The following NEO1 variants were observed in gnomAD, a reference collection of about 807,000 sequenced individuals.
NEO1 encodes the protein neogenin.
A neutral mutation model predicts 159.7 loss-of-function variants in NEO1; 63 were observed. That is an observed-to-expected ratio of 0.39 (90% CI 0.32 to 0.49). The LOEUF (loss-of-function observed/expected upper bound fraction) is 0.49, where lower values mean the gene tolerates loss of function less well. NEO1 is among the 20% of genes least tolerant of loss of function. The pLI is 0.85. For missense variants in NEO1, 1,615 were observed against 1,831.0 expected, an observed-to-expected ratio of 0.88 and a Z score of 2.15; for synonymous variants, 633 against 662.0, an observed-to-expected ratio of 0.96 and a Z score of 0.67.
chr15:73,132,676 A>T (rs1224410991), intron 4 of NEO1, among the ~76,000 whole-genome samples: 1 of 152,334 alleles, frequency 6.6e-6, no homozygotes, highest in Non-Finnish European at 1.5e-5. Context: ...AAGGAACTCA[A>T]ACAAATCAGT....
rs747030708 is a variant in NEO1, at chr15:73,253,373, ATT to A, written c.1895-12_1895-11del. 18,493 of 1,085,718 alleles carry A rather than the reference ATT, an allele frequency of 0.017. No individual in the cohort carries two copies. The highest frequency in any genetic ancestry group is 0.026 in the South Asian group (1,403 of 54,782). The allele number at this position is 1,085,718 out of a possible 1,614,324, so 67.3% of individuals were successfully genotyped here. A position where few individuals can be genotyped will look rare whatever the true frequency, so the allele number is the denominator to read the frequency against. ...TGATGTATGGGTGATTAAAAAAAAA[ATT>A]TTTTTTTTTTTTTTGTTTCTCTAGT... On this transcript the variant is annotated intron_variant, in intron 11 of 28. Transcript: ENST00000261908.
chr15:73,083,418 A>C (rs901475864), intron 1 of NEO1, among the ~76,000 whole-genome samples: 5 of 152,060 alleles, frequency 3.3e-5, no homozygotes, highest in Non-Finnish European at 7.3e-5. Context: ...ACATTCAATA[A>C]ATATATAAAT....
intron 7 of NEO1, among the ~76,000 whole-genome samples, chr15:73,204,112 G>GT (rs770210338): frequency 2.5e-4 from 33 of 133,416 alleles, no homozygotes; most frequent in Non-Finnish European, 5.6e-4. Context: ...AGAATGTAAG[G>GT]TTGGTGGGTT....
intron 16 of NEO1, among the ~76,000 whole-genome samples, chr15:73,269,497 A>C (rs1330998965): frequency 6.6e-6 from 1 of 151,972 alleles, no homozygotes; most frequent in East Asian, 1.9e-4. Flanking sequence ...AGTAGCTGGG[A>C]CCCCAGGCAC....
At position 73,067,991 on chromosome 15, in the gene NEO1, T is replaced by A. The variant is rs957714713; in HGVS notation, c.130+15186T>A. Among the ~76,000 whole-genome samples, 9 of 152,140 alleles carry A rather than the reference T, an allele frequency of 5.9e-5. No individual in the cohort carries two copies. In the South Asian group the frequency reaches 6.2e-4, roughly 11 times the overall value. On this transcript the variant is annotated intron_variant, in intron 1 of 28. Coordinates refer to ENST00000261908, the MANE Select transcript of NEO1 (RefSeq NM_002499.4). ...GGTATAGATGAAAGAAGAGAAAGTTTTAGATTTGCAACCATTTAACAGTTT... is the reference window on the plus strand; with the variant it reads ...GGTATAGATGAAAGAAGAGAAAGTTATAGATTTGCAACCATTTAACAGTTT...
At chr15:73,222,645 T>C (rs1374980582) in intron 7 of NEO1, among the ~76,000 whole-genome samples, 3 of 152,208 alleles carry the variant, frequency 2.0e-5, no homozygotes, top group African/African-American at 7.2e-5. Flanking sequence ...TTTTCTCTTT[T>C]CTTGGTTAAT....
At chr15:73,089,016 G>C (rs1274782193) in intron 1 of NEO1, among the ~76,000 whole-genome samples, 1 of 152,106 alleles carries the variant, frequency 6.6e-6, no homozygotes, top group Non-Finnish European at 1.5e-5. Context: ...GTTGATAGTT[G>C]CAGTTCTGAG....
In NEO1 at chr15:73,253,363, TA is replaced by T. The variant is rs752539269; in HGVS notation, c.1895-27del. 3.7e-3 allele frequency: 4,900 copies of T among 1,331,968 alleles called. 1 individual carries two copies. The highest frequency in any genetic ancestry group is 8.3e-3 in the South Asian group (581 of 70,382). The allele number at this position is 1,331,968 out of a possible 1,614,324, so 82.5% of individuals were successfully genotyped here. A position where few individuals can be genotyped will look rare whatever the true frequency, so the allele number is the denominator to read the frequency against. ...ACATGATGGGTGATGTATGGGTGATTAAAAAAAAAATTTTTTTTTTTTTTTT... is the reference window on the plus strand; with the variant it reads ...ACATGATGGGTGATGTATGGGTGATTAAAAAAAAATTTTTTTTTTTTTTTT... On this transcript the variant is annotated intron_variant, in intron 11 of 28. Coordinates refer to ENST00000261908, the MANE Select transcript of NEO1 (RefSeq NM_002499.4).
At chr15:73,137,830 G>T (rs17762146) in intron 5 of NEO1, among the ~76,000 whole-genome samples, 40,057 of 152,096 alleles carry the variant, frequency 0.26, 6,751 homozygotes, top group Middle Eastern at 0.4. Flanking sequence ...GCAAACTCAT[G>T]AATTGGAAGA....
At chr15:73,163,916 G>T (rs1188843475) in intron 5 of NEO1, among the ~76,000 whole-genome samples, 1 of 152,126 alleles carries the variant, frequency 6.6e-6, no homozygotes, top group African/African-American at 2.4e-5. Context: ...TGAATATTCT[G>T]AGTAGACAGT....
intron 7 of NEO1, among the ~76,000 whole-genome samples, chr15:73,199,451 T>A (rs1189023033): frequency 6.6e-6 from 1 of 152,168 alleles, no homozygotes; most frequent in African/African-American, 2.4e-5. Flanking sequence ...AGAGTTATGC[T>A]CTACCTCCTT....
chr15:73,146,765 A>T (rs555139515), intron 5 of NEO1, among the ~76,000 whole-genome samples: 3 of 152,370 alleles, frequency 2.0e-5, no homozygotes, highest in African/African-American at 4.8e-5. Context: ...ACTCAGATTT[A>T]TGTGGAGTAC....
intron 16 of NEO1, among the ~76,000 whole-genome samples, chr15:73,266,981 G>A (rs989019889): frequency 5.9e-5 from 9 of 152,112 alleles, no homozygotes; most frequent in East Asian, 1.9e-4. Flanking sequence ...TCTAAAGGCC[G>A]GGTGCAGTGG....
intron 1 of NEO1, among the ~76,000 whole-genome samples, chr15:73,110,213 A>G (rs1452856700): frequency 1.3e-5 from 2 of 152,220 alleles, no homozygotes; most frequent in Admixed American, 6.5e-5. Context: ...TGAAAGAAAC[A>G]TTAACAAGTA....
chr15:73,253,390 G>A lies in NEO1; in HGVS notation c.1895-10G>A. ...AAAAAAAAATTTTTTTTTTTTTTTT[G>A]TTTCTCTAGTTCCCAGTGCTGCTCC... On this transcript the variant is annotated splice_polypyrimidine_tract_variant and intron_variant, in intron 11 of 28. Transcript: ENST00000261908. The A allele has an allele frequency of 5.0e-6, 7 of 1,410,944 alleles. No individual in the cohort carries two copies. Among genetic ancestry groups the A allele is most frequent in the South Asian group, 1.5e-5 (1 of 65,178 alleles). The allele number at this position is 1,410,944 out of a possible 1,614,324, so 87.4% of individuals were successfully genotyped here.
intron 8 of NEO1, among the ~76,000 whole-genome samples, chr15:73,239,984 A>G (rs572669301): frequency 6.6e-6 from 1 of 152,242 alleles, no homozygotes; most frequent in East Asian, 1.9e-4. Context: ...GTACCAGTAG[A>G]GGTACTTACT....
In NEO1 at chr15:73,244,468, G is replaced by A. The variant is rs750132159; in HGVS notation, c.1576G>A (p.Ala526Thr). ...QNKHGSGESS[A>T]PLRVETQPEV... The stretch of plus-strand genomic sequence containing the variant: ...TAAGCATGGCTCAGGAGAGAGTTCA[G>A]CTCCACTGCGAGTAGAAACACAACC... Residue 526 changes from alanine to threonine, a missense_variant, in exon 9 of 29, where the codon GCT becomes ACT. Ala to Thr is a moderately conservative substitution (Grantham distance 58). Coordinates refer to ENST00000261908, the MANE Select transcript of NEO1 (RefSeq NM_002499.4). The A allele has an allele frequency of 1.2e-6, 2 of 1,613,742 alleles. No homozygotes were observed. The highest frequency in any genetic ancestry group is 2.2e-5 in the East Asian group (1 of 44,844).
chr15:73,140,252 A>T (rs1361943182), intron 5 of NEO1, among the ~76,000 whole-genome samples: 2 of 152,148 alleles, frequency 1.3e-5, no homozygotes, highest in East Asian at 3.9e-4. Context: ...TGCTTGGCAG[A>T]ATCTATTAAA....
intron 1 of NEO1, among the ~76,000 whole-genome samples, chr15:73,085,930 A>T (rs1400105912): frequency 6.6e-6 from 1 of 152,054 alleles, no homozygotes; most frequent in African/African-American, 2.4e-5. Flanking sequence ...TTCACAGCAA[A>T]AGTTTGAAAT....
Sources: allele counts gnomAD v4.1 joint callset (sites outside exome capture counted in the v4.1 genomes callset), GRCh38; gene constraint gnomAD v4.1.1; transcripts MANE v1.5; gene names NCBI Gene and HGNC (gene_info 2026-07-23, HGNC 2026-07-21).